Variants in KCTD8 observed in about 807,000 individuals in gnomAD.
KCTD8 encodes potassium channel tetramerization domain containing 8, also known as BTB/POZ domain-containing protein KCTD8.
Under a neutral mutation model 31.5 loss-of-function variants are expected in KCTD8, and 27 were observed. The ratio of observed to expected loss-of-function variants is 0.86; its 90% CI spans 0.63 to 1.18. KCTD8 has a LOEUF of 1.18. Among genes scored for constraint, KCTD8 ranks in the 50% most tolerant of loss-of-function variants. The pLI, the probability that KCTD8 is intolerant of heterozygous loss-of-function variation, is 0.00. For synonymous variants in KCTD8, 290 were observed against 280.0 expected, an observed-to-expected ratio of 1.04 and a Z score of -0.36; for missense variants, 658 against 647.7, an observed-to-expected ratio of 1.02 and a Z score of -0.17.
intron 1 of KCTD8, among the ~76,000 whole-genome samples, chr4:44,198,240 T>C (rs988084881): frequency 2.6e-5 from 4 of 152,164 alleles, no homozygotes; most frequent in Non-Finnish European, 5.9e-5. Flanking sequence ...TTTGAGTGTA[T>C]AGTCTATGAA....
intron 1 of KCTD8, among the ~76,000 whole-genome samples, chr4:44,184,493 T>C (rs896386527): frequency 3.3e-5 from 5 of 152,156 alleles, no homozygotes; most frequent in African/African-American, 1.2e-4. Context: ...GTCATATTCC[T>C]TTTTTCATCC....
At chr4:44,312,502 TA>T (rs1717984407) in intron 1 of KCTD8, among the ~76,000 whole-genome samples, 1 of 151,246 alleles carries the variant, frequency 6.6e-6, no homozygotes, top group African/African-American at 2.5e-5. Flanking sequence ...ATTCAAGCAC[TA>T]AAATCTGAAA....
At chr4:44,293,726 C>A (rs1717345200) in intron 1 of KCTD8, 2 of 430,154 alleles carry the variant, frequency 4.6e-6, no homozygotes, top group Non-Finnish European at 9.2e-6. Flanking sequence ...AAACACTGGC[C>A]AAAAAATGGA....
At chr4:44,198,669 AAAAAC>A (rs1714022654) in intron 1 of KCTD8, among the ~76,000 whole-genome samples, 1 of 152,142 alleles carries the variant, frequency 6.6e-6, no homozygotes, top group African/African-American at 2.4e-5. Context: ...TGATAAACAT[AAAAAC>A]AAAAGATCAA....
intron 1 of KCTD8, among the ~76,000 whole-genome samples, chr4:44,356,659 C>T (rs1370069553): frequency 6.6e-6 from 1 of 152,050 alleles, no homozygotes; most frequent in Non-Finnish European, 1.5e-5. Flanking sequence ...TTGGTAGAGA[C>T]AGGGTTCCTA....
intron 1 of KCTD8, among the ~76,000 whole-genome samples, chr4:44,423,273 A>G (rs1462361020): frequency 6.6e-6 from 1 of 152,106 alleles, no homozygotes; most frequent in Non-Finnish European, 1.5e-5. Context: ...AAGTAGACTC[A>G]TTTATTTTGT....
intron 1 of KCTD8, among the ~76,000 whole-genome samples, chr4:44,225,260 T>C (rs377400822): frequency 7.9e-5 from 12 of 152,360 alleles, no homozygotes; most frequent in Admixed American, 2.6e-4. Flanking sequence ...TTCTATTTGA[T>C]TGGCTTCTAA....
intron 1 of KCTD8, among the ~76,000 whole-genome samples, chr4:44,233,480 G>A (rs1715181901): frequency 6.6e-6 from 1 of 152,112 alleles, no homozygotes; most frequent in African/African-American, 2.4e-5. Context: ...TCAGCAATCT[G>A]TATACAGCAT....
At chr4:44,408,326 T>G (rs1415518051) in intron 1 of KCTD8, among the ~76,000 whole-genome samples, 1 of 152,188 alleles carries the variant, frequency 6.6e-6, no homozygotes, top group Non-Finnish European at 1.5e-5. Context: ...AATTATCACT[T>G]TGACTCAAAT....
rs1395580963 is a variant in KCTD8 at position 44,411,257 on chromosome 4, A to T, written c.961+36306T>A. On this transcript the variant is annotated intron_variant, in intron 1 of 1. Transcript: ENST00000360029. ...ACCAGGTATGGTGGTGTGCTCCTATAGTTCCAGCTACTTGAGAAACTGAAG... is the reference window on the plus strand; with the variant it reads ...ACCAGGTATGGTGGTGTGCTCCTATTGTTCCAGCTACTTGAGAAACTGAAG... Among the ~76,000 whole-genome samples, 3 of 152,038 alleles carry T rather than the reference A, an allele frequency of 2.0e-5. 1 individual carries two copies. Among genetic ancestry groups the T allele is most frequent in the Admixed American group, 2.0e-4 (3 of 15,260 alleles).
chr4:44,332,707 T>TA (rs1480928790), intron 1 of KCTD8, among the ~76,000 whole-genome samples: 1 of 151,956 alleles, frequency 6.6e-6, no homozygotes, highest in Non-Finnish European at 1.5e-5. Flanking sequence ...CTTTCTTTTT[T>TA]TAAAAAAGAA....
intron 1 of KCTD8, among the ~76,000 whole-genome samples, chr4:44,180,243 C>G (rs1177259850): frequency 3.3e-5 from 5 of 151,892 alleles, no homozygotes; most frequent in Non-Finnish European, 7.4e-5. Context: ...AGGATTTCTT[C>G]CATCATATAA....
chr4:44,211,137 T>C (rs1714474559), intron 1 of KCTD8, among the ~76,000 whole-genome samples: 1 of 152,210 alleles, frequency 6.6e-6, no homozygotes, highest in Non-Finnish European at 1.5e-5. Flanking sequence ...TAAAATTTTG[T>C]TACATATAAA....
At position 44,425,468 on chromosome 4, in the gene KCTD8, T is replaced by C. The variant is rs182063577; in HGVS notation, c.961+22095A>G. ...AAATAAGGAGATATTTCATTTTGGCTTGGAAACAAAATATTTTTTACCAAT... is the reference window on the plus strand; with the variant it reads ...AAATAAGGAGATATTTCATTTTGGCCTGGAAACAAAATATTTTTTACCAAT... On this transcript the variant is annotated intron_variant, in intron 1 of 1. Coordinates refer to ENST00000360029, the MANE Select transcript of KCTD8 (RefSeq NM_198353.3). 2.6e-5 allele frequency among the ~76,000 whole-genome samples: 4 copies of C among 152,184 alleles called. No homozygotes were observed. In the East Asian group the frequency reaches 7.7e-4, roughly 29 times the overall value.
intron 1 of KCTD8, among the ~76,000 whole-genome samples, chr4:44,202,713 A>T (rs142522567): frequency 1.4e-3 from 219 of 152,284 alleles, no homozygotes; most frequent in African/African-American, 4.8e-3. Flanking sequence ...ACCTGTACTC[A>T]AATCTCACTC....
intron 1 of KCTD8, among the ~76,000 whole-genome samples, chr4:44,223,990 A>C (rs1347457397): frequency 2.6e-5 from 4 of 152,144 alleles, no homozygotes; most frequent in African/African-American, 9.7e-5. Flanking sequence ...ATTTAGACTA[A>C]AATATTCCAA....
chr4:44,431,053 T>C (rs913477870), intron 1 of KCTD8, among the ~76,000 whole-genome samples: 2 of 151,708 alleles, frequency 1.3e-5, no homozygotes. Context: ...AATAACCAAA[T>C]TTTTAAAATA....
At chr4:44,391,157 G>A (rs946371461) in intron 1 of KCTD8, among the ~76,000 whole-genome samples, 1 of 151,878 alleles carries the variant, frequency 6.6e-6, no homozygotes, top group Non-Finnish European at 1.5e-5. Context: ...ATGATACATG[G>A]ACTTTGAAGA....
intron 1 of KCTD8, among the ~76,000 whole-genome samples, chr4:44,377,401 T>G (rs936608618): frequency 6.6e-6 from 1 of 152,156 alleles, no homozygotes; most frequent in African/African-American, 2.4e-5. Flanking sequence ...AGTCTACTCA[T>G]GGAAGGATAG....
Sources: gnomAD v4.1 joint callset for allele counts (sites outside exome capture counted in the v4.1 genomes callset) on GRCh38, gnomAD v4.1.1 for gene constraint, MANE v1.5 for transcripts, NCBI Gene and HGNC (gene_info 2026-07-23, HGNC 2026-07-21) for gene names.